Variants in CACNA1E observed in about 807,000 individuals in gnomAD.
The protein encoded by CACNA1E is calcium voltage-gated channel subunit alpha1 E, also known as voltage-dependent R-type calcium channel subunit alpha-1E.
CACNA1E carries 40 observed loss-of-function variants against 259.2 expected under a neutral mutation model. The observed-to-expected ratio is 0.15, with a 90% CI of 0.12 to 0.20. The LOEUF (loss-of-function observed/expected upper bound fraction) is 0.20. Ranked by LOEUF, CACNA1E falls within the 10% of genes least tolerant of loss-of-function variation. CACNA1E has a pLI of 1.00. For synonymous variants in CACNA1E, 1,104 were observed against 1,138.5 expected (o/e 0.97, Z 0.61); for missense variants, 1,874 against 3,040.1 (o/e 0.62, Z 9.02).
chr1:181,726,264 T>C, intron 18 of CACNA1E, 102 bp downstream of exon 18: 1 of 792,190 alleles, frequency 1.3e-6, no homozygotes, highest in Non-Finnish European at 2.1e-6. Context: ...TACTACATGC[T>C]GGGAACTGTT....
At chr1:181,615,160 A>G (rs1161075237) in intron 6 of CACNA1E, among the ~76,000 whole-genome samples, 1 of 152,166 alleles carries the variant, frequency 6.6e-6, no homozygotes, top group Non-Finnish European at 1.5e-5. Context: ...AAAGTTTTAT[A>G]CTATTTTGTG....
At chr1:181,379,122 T>A (rs1655293036) in intron 1 of CACNA1E, among the ~76,000 whole-genome samples, 1 of 151,916 alleles carries the variant, frequency 6.6e-6, no homozygotes, top group Non-Finnish European at 1.5e-5. Context: ...AGTAGAGACA[T>A]GGGAAATAAA....
At chr1:181,434,576 C>A (rs1036622564) in intron 2 of CACNA1E, among the ~76,000 whole-genome samples, 3 of 151,998 alleles carry the variant, frequency 2.0e-5, no homozygotes, top group Non-Finnish European at 4.4e-5. Context: ...GGGTGGGCAG[C>A]GAGGAGCTTT....
intron 2 of CACNA1E, among the ~76,000 whole-genome samples, chr1:181,475,513 T>C (rs1418689909): frequency 4.6e-5 from 7 of 152,076 alleles, no homozygotes; most frequent in Non-Finnish European, 1.0e-4. Flanking sequence ...AGAGGAAGAA[T>C]ATTTTTGGGG....
At chr1:181,441,959 C>A (rs1340360773) in intron 2 of CACNA1E, among the ~76,000 whole-genome samples, 1 of 152,310 alleles carries the variant, frequency 6.6e-6, no homozygotes, top group East Asian at 1.9e-4. Flanking sequence ...TTCATTTCAT[C>A]TGACAGCTCA....
chr1:181,779,954 G>A (rs753320779), intron 38 of CACNA1E, among the ~76,000 whole-genome samples: 5 of 152,056 alleles, frequency 3.3e-5, no homozygotes, highest in Non-Finnish European at 5.9e-5. Context: ...CTTTTCACTG[G>A]AGATGGAGAA....
At chr1:181,654,638 A>C (rs1350885066) in intron 7 of CACNA1E, among the ~76,000 whole-genome samples, 2 of 152,230 alleles carry the variant, frequency 1.3e-5, no homozygotes, top group Non-Finnish European at 2.9e-5. Context: ...AGCAGTATGT[A>C]CTGTGGCATC....
chr1:181,491,565 C>T (rs2102511270), intron 1 of CACNA1E, among the ~76,000 whole-genome samples: 1 of 152,312 alleles, frequency 6.6e-6, no homozygotes, highest in African/African-American at 2.4e-5. Flanking sequence ...TTCCTCATCC[C>T]AAATCTCTCT....
Position 181,806,781 on chromosome 1 carries a change from A to ACAAC in CACNA1E, c.*7947_*7948insCAAC, listed in dbSNP as rs1329825258. 6.6e-6 allele frequency: 1 copy of ACAAC among 152,234 alleles called. No homozygotes were observed. Among genetic ancestry groups the ACAAC allele is most frequent in the East Asian group, 1.9e-4 (1 of 5,202 alleles). 9.4% of individuals were successfully genotyped at this position (152,234 alleles called of 1,614,324 possible). On this transcript the variant is annotated 3_prime_UTR_variant, in exon 48 of 48. Coordinates refer to ENST00000367573, the MANE Select transcript of CACNA1E (RefSeq NM_001205293.3). ...AAGAATAAATAAAACCTTGTTGTAA[A>ACAAC]GAATGCATCGGCCTGATTTCCCTCA... is the stretch of plus-strand genomic sequence containing the variant.
chr1:181,518,224 G>A (rs1383810405), intron 3 of CACNA1E, among the ~76,000 whole-genome samples: 2 of 152,092 alleles, frequency 1.3e-5, no homozygotes, highest in East Asian at 3.9e-4. Context: ...CTTAATGCTA[G>A]GCACTAAACC....
chr1:181,597,828 C>T (rs938163454), intron 6 of CACNA1E, among the ~76,000 whole-genome samples: 1 of 152,136 alleles, frequency 6.6e-6, no homozygotes, highest in African/African-American at 2.4e-5. Context: ...GAAAAACTCC[C>T]ATTTTTTAAG....
At chr1:181,509,889 T>C (rs1228106172) in intron 1 of CACNA1E, among the ~76,000 whole-genome samples, 4 of 152,220 alleles carry the variant, frequency 2.6e-5, no homozygotes, top group Non-Finnish European at 5.9e-5. Flanking sequence ...AGTACATTGC[T>C]GAGTGGAATT....
At chr1:181,506,956 C>T (rs1665763110) in intron 1 of CACNA1E, among the ~76,000 whole-genome samples, 1 of 152,018 alleles carries the variant, frequency 6.6e-6, no homozygotes, top group South Asian at 2.1e-4. Flanking sequence ...ATTACCGCAG[C>T]CATGAATTCA....
chr1:181,626,522 A>G (rs1015329866), intron 6 of CACNA1E, among the ~76,000 whole-genome samples: 8 of 152,054 alleles, frequency 5.3e-5, no homozygotes, highest in Admixed American at 6.5e-5. Flanking sequence ...GAGGCCATGG[A>G]CTCTCAGATG....
chr1:181,542,938 C>T (rs1369158764), intron 3 of CACNA1E, among the ~76,000 whole-genome samples: 2 of 149,548 alleles, frequency 1.3e-5, no homozygotes, highest in African/African-American at 2.5e-5. Context: ...TGGAAATACA[C>T]GTTGCTCATA....
At chr1:181,431,321 G>T (rs908180541) in intron 2 of CACNA1E, among the ~76,000 whole-genome samples, 6 of 152,308 alleles carry the variant, frequency 3.9e-5, no homozygotes, top group Admixed American at 3.9e-4. Flanking sequence ...TACTGACCAT[G>T]AAACTCAGAG....
At chr1:181,662,735 C>G (rs1192621171) in intron 7 of CACNA1E, among the ~76,000 whole-genome samples, 1 of 152,180 alleles carries the variant, frequency 6.6e-6, no homozygotes, top group Admixed American at 6.5e-5. Flanking sequence ...GCCATTCTTA[C>G]CTACCAAGTA....
intron 6 of CACNA1E, among the ~76,000 whole-genome samples, chr1:181,583,065 A>G (rs1651700053): frequency 6.7e-6 from 1 of 149,214 alleles, no homozygotes; most frequent in African/African-American, 2.5e-5. Context: ...AAGACTGTCT[A>G]CCTGTTTGGA....
At chr1:181,484,091 T>C (rs1571982107) in intron 1 of CACNA1E, 81 bp downstream of exon 1, 1 of 1,370,040 alleles carries the variant, frequency 7.3e-7, no homozygotes, top group East Asian at 2.3e-5. Context: ...ATGGAATGTA[T>C]CCCCCACCCC....
Sources: allele counts gnomAD v4.1 joint callset (sites outside exome capture counted in the v4.1 genomes callset), GRCh38; gene constraint gnomAD v4.1.1; transcripts MANE v1.5; gene names NCBI Gene and HGNC (gene_info 2026-07-23, HGNC 2026-07-21).